Variants in LTBP2 observed in about 807,000 individuals in gnomAD.
The protein encoded by LTBP2 is latent-transforming growth factor beta-binding protein 2.
Under a neutral mutation model 210.6 loss-of-function variants are expected in LTBP2, and 103 were observed. That is an observed-to-expected ratio of 0.49 (90% confidence interval 0.42 to 0.58). LTBP2 has a LOEUF of 0.58. Ranked by LOEUF, LTBP2 falls within the 20% of genes least tolerant of loss-of-function variation. The probability of loss-of-function intolerance (pLI) is 0.00; values close to 1 mark genes in which losing one functional copy is unlikely to be tolerated. For synonymous variants in LTBP2, 1,007 were observed against 1,015.0 expected (o/e 0.99, Z 0.15); for missense variants, 2,313 against 2,494.5 (o/e 0.93, Z 1.55).
chr14:74,522,533 A>C (rs2139710727), intron 16 of LTBP2, among the ~76,000 whole-genome samples: 1 of 152,198 alleles, frequency 6.6e-6, no homozygotes, highest in East Asian at 1.9e-4. Context: ...TGCCAGGCAC[A>C]GGCCAGGATG....
At chr14:74,524,972 G>T (rs966398994) in intron 15 of LTBP2, 152 bp downstream of exon 15, 13 of 427,804 alleles carry the variant, frequency 3.0e-5, no homozygotes, top group Admixed American at 2.0e-4. Flanking sequence ...GAGGCCAGGG[G>T]TGCACAGCCC....
Position 74,498,634 on chromosome 14 carries a change from G to A in LTBP2, c.*2250C>T, listed in dbSNP as rs2139682007. The A allele has an allele frequency of 4.3e-6, 1 of 231,898 alleles. No individual in the cohort carries two copies. The highest frequency in any genetic ancestry group is 6.1e-5 in the East Asian group (1 of 16,436). 14.4% of individuals were successfully genotyped at this position (231,898 alleles called of 1,614,324 possible). A position where few individuals can be genotyped will look rare whatever the true frequency, so the allele number is the denominator to read the frequency against. The stretch of plus-strand genomic sequence containing the variant: ...ACAATATCTCAAGGTTGGCAGGAAG[G>A]TGGAGATTGGAGTGTTGTGGGGGCA... On this transcript the variant is annotated 3_prime_UTR_variant, in exon 36 of 36. Coordinates refer to ENST00000261978, the MANE Select transcript of LTBP2 (RefSeq NM_000428.3).
At chr14:74,552,450 T>A in intron 5 of LTBP2, 57 bp from the exon 6 acceptor site, 1 of 1,532,920 alleles carries the variant, frequency 6.5e-7, no homozygotes, top group Non-Finnish European at 8.9e-7. Context: ...ACCCGCTCTG[T>A]GGCTGGTGAC....
intron 30 of LTBP2, 120 bp from the exon 31 acceptor site, chr14:74,504,174 T>C (rs887991390): frequency 1.2e-5 from 16 of 1,285,828 alleles, no homozygotes; most frequent in Non-Finnish European, 1.8e-5. Context: ...TAGGTGGCTT[T>C]GGGCAAGTTG....
At chr14:74,505,282 GAAAAAAT>G (rs2086967997) in intron 28 of LTBP2, 108 bp from the exon 29 acceptor site, 6 of 1,277,248 alleles carry the variant, frequency 4.7e-6, no homozygotes, top group Non-Finnish European at 6.6e-6. Context: ...CTTTACAGTG[GAAAAAAT>G]TCTGTTACCT....
rs2087645150 is a variant in LTBP2, at chr14:74,550,972, G to A, written c.1686+92C>T. 4 of 1,496,364 alleles carry A rather than the reference G, an allele frequency of 2.7e-6. No homozygotes were observed. The African/African-American group carries it at 5.5e-5, about 21-fold the overall frequency. The allele number at this position is 1,496,364 out of a possible 1,614,324, so 92.7% of individuals were successfully genotyped here. On this transcript the variant is annotated intron_variant, in intron 7 of 35. Coordinates refer to ENST00000261978, the MANE Select transcript of LTBP2 (RefSeq NM_000428.3). ...GTCTGCAGACACTCACATTCCATAA[G>A]AACAAAGAGGACAGAGAGGAGGAGA...
chr14:74,525,319 G>A (rs1199235304), intron 14 of LTBP2, 94 bp from the exon 15 acceptor site: 2 of 601,824 alleles, frequency 3.3e-6, no homozygotes, highest in African/African-American at 3.8e-5. Flanking sequence ...CAAGAACGAA[G>A]GGTGAAGCCT....
At chr14:74,587,268 G>C (rs898696891) in intron 2 of LTBP2, among the ~76,000 whole-genome samples, 8 of 152,102 alleles carry the variant, frequency 5.3e-5, no homozygotes, top group Non-Finnish European at 1.2e-4. Context: ...TAGCTGTTGA[G>C]CCCTAGTGAA....
rs543890022 is a variant in LTBP2, at chr14:74,611,764, G to A, written c.181C>T (p.Pro61Ser). 7.3e-5 allele frequency: 118 copies of A among 1,608,814 alleles called. 1 individual carries two copies. The highest frequency in any genetic ancestry group is 1.6e-4 in the East Asian group (7 of 44,850). Residue 61 changes from proline to serine, a missense_variant, in exon 1 of 36, where the codon CCG (proline) becomes TCG (serine). Coordinates refer to ENST00000261978, the MANE Select transcript of LTBP2 (RefSeq NM_000428.3). ...NRLRRPGGSY[P>S]AAAAAKVYSL... is the part of the protein sequence containing the mutation. ...TACACCTTGGCTGCAGCCGCTGCCG[G>A]GTAGCTGCCCCCAGGGCGCCGCAGT...
rs574028105 is a variant in LTBP2 at position 74,500,717 on chromosome 14, C to T, written c.*167G>A. ...CAAGCAAGGGCATGGAGGCAATGAC[C>T]GAAGCTTACAGCCAGAGGCTAAGCT... On this transcript the variant is annotated 3_prime_UTR_variant, in exon 36 of 36. Transcript: ENST00000261978. The T allele has an allele frequency of 3.9e-4, 347 of 895,342 alleles. 2 individuals carry two copies. The Middle Eastern group carries it at 6.3e-3, about 16-fold the overall frequency. The allele number at this position is 895,342 out of a possible 1,614,324, so 55.5% of individuals were successfully genotyped here.
chr14:74,542,078 C>A (rs1166683498), intron 8 of LTBP2, among the ~76,000 whole-genome samples: 1 of 152,286 alleles, frequency 6.6e-6, no homozygotes, highest in East Asian at 1.9e-4. Context: ...CTTGGGAAAG[C>A]CAAAGCAGCT....
chr14:74,551,470 A>C, intron 6 of LTBP2, 120 bp from the exon 7 acceptor site: 2 of 967,198 alleles, frequency 2.1e-6, no homozygotes, highest in Non-Finnish European at 1.5e-6. Context: ...TCACCCCAAA[A>C]CTCTCCTTCC....
Position 74,552,397 on chromosome 14 carries a change from C to A in LTBP2, c.1193-4G>T. The A allele has an allele frequency of 4.4e-6, 7 of 1,603,534 alleles. No homozygotes were observed. Among genetic ancestry groups the A allele is most frequent in the Middle Eastern group, 3.3e-4 (2 of 6,060 alleles). ...AGGCAGGGGATCTGGCAGAAATCTGCAACATCAACCCTCAAGGTAACCAGC... is the reference window on the plus strand; with the variant it reads ...AGGCAGGGGATCTGGCAGAAATCTGAAACATCAACCCTCAAGGTAACCAGC... On this transcript the variant is annotated splice_region_variant and splice_polypyrimidine_tract_variant and intron_variant, in intron 5 of 35. Transcript: ENST00000261978.
chr14:74,568,593 A>G (rs930954193), intron 3 of LTBP2, among the ~76,000 whole-genome samples: 1 of 152,222 alleles, frequency 6.6e-6, no homozygotes, highest in East Asian at 1.9e-4. Flanking sequence ...ACATAGTGCT[A>G]ATCATATGCC....
chr14:74,540,210 T>A (rs977462089), intron 8 of LTBP2, among the ~76,000 whole-genome samples: 1 of 152,132 alleles, frequency 6.6e-6, no homozygotes, highest in African/African-American at 2.4e-5. Flanking sequence ...TGGTGGCTCA[T>A]GCCTGTAATC....
chr14:74,597,459 C>T (rs974544826), intron 2 of LTBP2, among the ~76,000 whole-genome samples: 1 of 152,166 alleles, frequency 6.6e-6, no homozygotes, highest in Non-Finnish European at 1.5e-5. Context: ...CTGCCAGCCA[C>T]CCATGCCATC....
intron 8 of LTBP2, among the ~76,000 whole-genome samples, chr14:74,549,182 C>T (rs760210444): frequency 2.0e-5 from 3 of 152,222 alleles, no homozygotes; most frequent in Admixed American, 6.5e-5. Context: ...GCCACACTCA[C>T]GCACAGGCAT....
At chr14:74,518,767 C>T (rs2087165920) in intron 17 of LTBP2, among the ~76,000 whole-genome samples, 1 of 152,234 alleles carries the variant, frequency 6.6e-6, no homozygotes, top group Non-Finnish European at 1.5e-5. Flanking sequence ...CCTAGGCCCA[C>T]AGCCAGAGAT....
chr14:74,523,430 TG>T (rs1267252621), intron 15 of LTBP2, among the ~76,000 whole-genome samples: 1 of 150,650 alleles, frequency 6.6e-6, no homozygotes, highest in Admixed American at 6.6e-5. Flanking sequence ...TTGTGAAAGG[TG>T]GGGGTGGGTC....
Sources: gnomAD v4.1 joint callset for allele counts (sites outside exome capture counted in the v4.1 genomes callset) on GRCh38, gnomAD v4.1.1 for gene constraint, MANE v1.5 for transcripts, NCBI Gene and HGNC (gene_info 2026-07-23, HGNC 2026-07-21) for gene names.